Variants in GDPD5 observed in about 807,000 individuals in gnomAD.
The protein encoded by GDPD5 is glycerophosphodiester phosphodiesterase 2.
In GDPD5, 48 loss-of-function variants were observed where a neutral mutation model predicts 75.1. The ratio of observed to expected loss-of-function variants is 0.64; its 90% CI spans 0.51 to 0.81. The LOEUF (loss-of-function observed/expected upper bound fraction) is 0.81. GDPD5 is among the 40% of genes least tolerant of loss of function. The pLI is 0.00. For missense variants in GDPD5, 706 were observed against 822.6 expected (o/e 0.86, Z 1.73); for synonymous variants, 336 against 339.0 (o/e 0.99, Z 0.10).
intron 1 of GDPD5, among the ~76,000 whole-genome samples, chr11:75,511,951 T>G (rs577116624): frequency 4.6e-5 from 7 of 152,170 alleles, no homozygotes; most frequent in Non-Finnish European, 1.0e-4. Context: ...GTTGTGAAGA[T>G]TGAGGTAATG....
intron 13 of GDPD5, 113 bp from the exon 14 acceptor site, chr11:75,441,423 G>A (rs1328702534): frequency 2.2e-6 from 3 of 1,381,954 alleles, no homozygotes; most frequent in Non-Finnish European, 3.0e-6. Context: ...CCCGGGGCAA[G>A]GAACATTGGC....
chr11:75,488,116 C>A (rs1161667630), intron 2 of GDPD5, among the ~76,000 whole-genome samples: 1 of 152,068 alleles, frequency 6.6e-6, no homozygotes, highest in African/African-American at 2.4e-5. Flanking sequence ...CCTAGACTCA[C>A]ATACTCCTAG....
At chr11:75,493,547 A>G (rs1051213007) in intron 1 of GDPD5, among the ~76,000 whole-genome samples, 1 of 152,040 alleles carries the variant, frequency 6.6e-6, no homozygotes, top group Non-Finnish European at 1.5e-5. Context: ...GACTACAGGC[A>G]TGCTACCACG....
intron 1 of GDPD5, among the ~76,000 whole-genome samples, chr11:75,517,108 T>G (rs558846928): frequency 9.2e-5 from 14 of 151,890 alleles, no homozygotes; most frequent in African/African-American, 3.4e-4. Context: ...TAAATGGAGG[T>G]TGCTAGGTGG....
chr11:75,494,641 T>G (rs1475459139), intron 1 of GDPD5, among the ~76,000 whole-genome samples: 1 of 152,172 alleles, frequency 6.6e-6, no homozygotes, highest in Admixed American at 6.5e-5. Context: ...AAGTAAAATG[T>G]GATTGTATTT....
chr11:75,483,725 T>A (rs1371527919), intron 2 of GDPD5, among the ~76,000 whole-genome samples: 1 of 152,212 alleles, frequency 6.6e-6, no homozygotes, highest in Non-Finnish European at 1.5e-5. Flanking sequence ...GAAGACGTCA[T>A]GCCAACTTCA....
chr11:75,506,094 G>A (rs1353963876), intron 1 of GDPD5, among the ~76,000 whole-genome samples: 1 of 152,192 alleles, frequency 6.6e-6, no homozygotes, highest in Non-Finnish European at 1.5e-5. Flanking sequence ...CCCTTGGGAG[G>A]GTCAGATATG....
intron 4 of GDPD5, among the ~76,000 whole-genome samples, chr11:75,461,455 C>G (rs200441624): frequency 6.6e-6 from 1 of 152,200 alleles, no homozygotes; most frequent in South Asian, 2.1e-4. Flanking sequence ...GAGGCACAGC[C>G]TGGTGCCATA....
chr11:75,448,941 C>T, intron 9 of GDPD5, 36 bp downstream of exon 9: 1 of 1,527,614 alleles, frequency 6.5e-7, no homozygotes, highest in Non-Finnish European at 8.7e-7. Context: ...GCACCCCACC[C>T]CAACGGGGCT....
chr11:75,509,800 C>T lies in GDPD5; in HGVS notation c.-145+15410G>A, dbSNP rs1291447533. 2.0e-5 allele frequency among the ~76,000 whole-genome samples: 3 copies of T among 152,204 alleles called. No individual in the cohort carries two copies. In the East Asian group the frequency reaches 5.8e-4, roughly 29 times the overall value. On this transcript the variant is annotated intron_variant, in intron 1 of 16. Transcript: ENST00000336898. Reference sequence around the variant, plus strand: ...GTTCCAGCGATTCTCCTGCCTCAGCCTCCCGAGGAGCTGGGATTACAGGCA... The same window carrying T: ...GTTCCAGCGATTCTCCTGCCTCAGCTTCCCGAGGAGCTGGGATTACAGGCA...
chr11:75,455,944 A>G (rs1592083745), intron 6 of GDPD5, among the ~76,000 whole-genome samples: 2 of 152,318 alleles, frequency 1.3e-5, no homozygotes, highest in Middle Eastern at 3.4e-3. Context: ...GCCTGCAAAG[A>G]GCACCTTGAC....
At chr11:75,465,145 C>G (rs554592018) in intron 3 of GDPD5, among the ~76,000 whole-genome samples, 2 of 152,222 alleles carry the variant, frequency 1.3e-5, no homozygotes, top group Non-Finnish European at 2.9e-5. Context: ...ACGTCATACC[C>G]CAGCTTGAGA....
chr11:75,467,411 C>T (rs778380492), intron 3 of GDPD5, among the ~76,000 whole-genome samples: 22 of 152,132 alleles, frequency 1.4e-4, no homozygotes, highest in Middle Eastern at 3.2e-3. Context: ...AGCATCACGC[C>T]GGGCACAAGG....
chr11:75,441,569 T>G (rs1242501447), intron 13 of GDPD5, 77 bp downstream of exon 13: 5 of 1,190,004 alleles, frequency 4.2e-6, no homozygotes, highest in Non-Finnish European at 5.8e-6. Flanking sequence ...TGTGTGTGTG[T>G]TGGGGGGTGG....
At position 75,457,805 on chromosome 11, in the gene GDPD5, G is replaced by A. The variant is rs1482230300; in HGVS notation, c.222-19C>T. Reference sequence around the variant, plus strand: ...GAGGTACCTGCCAGGAGGAGAGGGGGCAGGGGTCAGACCTCCACCAGGCCA... The same window carrying A: ...GAGGTACCTGCCAGGAGGAGAGGGGACAGGGGTCAGACCTCCACCAGGCCA... On this transcript the variant is annotated intron_variant, in intron 4 of 16. Coordinates refer to ENST00000336898, the MANE Select transcript of GDPD5 (RefSeq NM_030792.8). 6.2e-6 allele frequency: 10 copies of A among 1,600,818 alleles called. No individual in the cohort carries two copies. The highest frequency in any genetic ancestry group is 2.2e-5 in the East Asian group (1 of 44,762).
At position 75,462,843 on chromosome 11, in the gene GDPD5, G is replaced by A. The variant is rs201066999; in HGVS notation, c.164C>T (p.Thr55Met). ...CCACCAGAAGTAAAGCCAGGTGAGC[G>A]TGAGGCCAAAGGTGAAGGTGAGGAG... ...FLLLTFTFGL[T>M]LTWLYFWWEV... is the part of the protein sequence containing the mutation. The change falls in exon 4 of 17, where the codon ACG becomes ATG. Residue 55 changes from threonine (T) to methionine (M), a missense_variant. By Grantham distance (81) the Thr-to-Met change is moderately conservative. Coordinates refer to ENST00000336898, the MANE Select transcript of GDPD5 (RefSeq NM_030792.8). The A allele has an allele frequency of 4.8e-5, 78 of 1,614,116 alleles. No homozygotes were observed. The highest frequency in any genetic ancestry group is 1.3e-4 in the South Asian group (12 of 91,062).
chr11:75,513,074 G>A (rs1346416296), intron 1 of GDPD5, among the ~76,000 whole-genome samples: 1 of 152,172 alleles, frequency 6.6e-6, no homozygotes, highest in African/African-American at 2.4e-5. Context: ...ACACGTGGAG[G>A]GTTCTGGATA....
intron 1 of GDPD5, among the ~76,000 whole-genome samples, chr11:75,510,446 G>A (rs2135482255): frequency 6.6e-6 from 1 of 152,296 alleles, no homozygotes; most frequent in East Asian, 1.9e-4. Context: ...TCCTCATCAG[G>A]TAAGCACCCA....
intron 1 of GDPD5, among the ~76,000 whole-genome samples, chr11:75,495,967 G>A (rs1329013379): frequency 6.6e-6 from 1 of 152,220 alleles, no homozygotes; most frequent in African/African-American, 2.4e-5. Context: ...CTTATGCCTT[G>A]TGCATGGGGC....
Sources: gnomAD v4.1 joint callset for allele counts (sites outside exome capture counted in the v4.1 genomes callset) on GRCh38, gnomAD v4.1.1 for gene constraint, MANE v1.5 for transcripts, NCBI Gene and HGNC (gene_info 2026-07-23, HGNC 2026-07-21) for gene names.